ARPC1A: variants seen among roughly 807,000 people sequenced by gnomAD.
ARPC1A encodes actin related protein 2/3 complex subunit 1A.
Under a neutral mutation model 46.9 loss-of-function variants are expected in ARPC1A, and 8 were observed. That is an observed-to-expected ratio of 0.17 (90% CI 0.10 to 0.31). ARPC1A has a LOEUF of 0.31. Among genes scored for constraint, ARPC1A ranks in the 10% least tolerant of loss-of-function variants. The probability of loss-of-function intolerance (pLI) is 1.00; values close to 1 mark genes in which losing one functional copy is unlikely to be tolerated. For synonymous variants in ARPC1A, 152 were observed against 169.0 expected (o/e 0.90, Z 0.78); for missense variants, 286 against 483.6 (o/e 0.59, Z 3.83).
chr7:99,364,981 T>C (rs1443156689), intron 9 of ARPC1A, among the ~76,000 whole-genome samples: 1 of 152,010 alleles, frequency 6.6e-6, no homozygotes, highest in Non-Finnish European at 1.5e-5. Flanking sequence ...CTGAGCGGCA[T>C]CCTGAGTTGC....
At chr7:99,337,020 AT>A (rs1162927399) in intron 2 of ARPC1A, among the ~76,000 whole-genome samples, 1 of 152,132 alleles carries the variant, frequency 6.6e-6, no homozygotes, top group African/African-American at 2.4e-5. Flanking sequence ...GTAAAAAAAG[AT>A]ACATGAATAC....
At chr7:99,328,284 G>A (rs1046613326) in intron 1 of ARPC1A, among the ~76,000 whole-genome samples, 5 of 152,236 alleles carry the variant, frequency 3.3e-5, no homozygotes, top group South Asian at 2.1e-4. Context: ...CTGGAGAATC[G>A]CTTGAACCCG....
At chr7:99,348,338 C>T (rs1007497796) in intron 4 of ARPC1A, among the ~76,000 whole-genome samples, 5 of 152,228 alleles carry the variant, frequency 3.3e-5, no homozygotes, top group Admixed American at 1.3e-4. Context: ...TGAAAACCAG[C>T]TGTTGTGCTG....
At chr7:99,336,340 A>C (rs1366241064) in intron 2 of ARPC1A, among the ~76,000 whole-genome samples, 1 of 152,196 alleles carries the variant, frequency 6.6e-6, no homozygotes, top group East Asian at 1.9e-4. Context: ...TTAAGTCCTT[A>C]GGATTTTATA....
chr7:99,362,384 T>C (rs1454204487), intron 8 of ARPC1A, among the ~76,000 whole-genome samples: 5 of 127,402 alleles, frequency 3.9e-5, no homozygotes, highest in Non-Finnish European at 8.0e-5. Flanking sequence ...CAGGCTGGAG[T>C]GCAGTGGCAC....
In ARPC1A at chr7:99,359,780, C is replaced by T. The variant is rs748400702; in HGVS notation, c.983+42C>T. The T allele has an allele frequency of 5.1e-5, 81 of 1,603,362 alleles. No individual in the cohort carries two copies. In the East Asian group the frequency reaches 1.8e-3, roughly 35 times the overall value. On this transcript the variant is annotated intron_variant, in intron 8 of 9. Coordinates refer to ENST00000262942, the MANE Select transcript of ARPC1A (RefSeq NM_006409.4). Reference sequence around the variant, plus strand: ...GAGAGGTGGTCAGGTGACAAGGTGCCTTCCTGCCCCTCGCTGTTTCCTTAC... The same window carrying T: ...GAGAGGTGGTCAGGTGACAAGGTGCTTTCCTGCCCCTCGCTGTTTCCTTAC...
chr7:99,343,099 TAGAG>T (rs34378114), intron 3 of ARPC1A, among the ~76,000 whole-genome samples: 13,467 of 152,104 alleles, frequency 0.089, 874 homozygotes, highest in African/African-American at 0.19. Flanking sequence ...TATTAATTTT[TAGAG>T]AGAGATCTGT....
chr7:99,326,411 G>A (rs2150854544), intron 1 of ARPC1A, among the ~76,000 whole-genome samples: 1 of 152,324 alleles, frequency 6.6e-6, no homozygotes, highest in South Asian at 2.1e-4. Context: ...GCGCCCATAG[G>A]ATGTTTGCCT....
chr7:99,362,668 C>T (rs924409945), intron 8 of ARPC1A, among the ~76,000 whole-genome samples: 3 of 151,340 alleles, frequency 2.0e-5, no homozygotes, highest in Admixed American at 1.3e-4. Context: ...TTTATTTAAG[C>T]TCACAGGCTG....
At chr7:99,333,606 A>G (rs1234327247) in intron 2 of ARPC1A, among the ~76,000 whole-genome samples, 189 bp downstream of exon 2, 1 of 152,172 alleles carries the variant, frequency 6.6e-6, no homozygotes, top group Non-Finnish European at 1.5e-5. Flanking sequence ...GAGTGAAGGA[A>G]GGGCTTTGCA....
chr7:99,334,039 G>A lies in ARPC1A; in HGVS notation c.64+622G>A, dbSNP rs1217912696. Among the ~76,000 whole-genome samples, 3 of 107,662 alleles carry A rather than the reference G, an allele frequency of 2.8e-5. No individual in the cohort carries two copies. In the South Asian group the frequency reaches 1.2e-3, roughly 42 times the overall value. The allele number at this position is 107,662 out of a possible 152,430, so 70.6% of individuals were successfully genotyped here. A position where few individuals can be genotyped will look rare whatever the true frequency, so the allele number is the denominator to read the frequency against. ...CACACACACACACACACATATATAT[G>A]TATTTTTTTTTTTTGAGACAGAGTC... On this transcript the variant is annotated intron_variant, in intron 2 of 9. Coordinates refer to ENST00000262942, the MANE Select transcript of ARPC1A (RefSeq NM_006409.4).
chr7:99,335,445 A>G (rs1287919258), intron 2 of ARPC1A: 1 of 437,756 alleles, frequency 2.3e-6, no homozygotes, highest in East Asian at 7.9e-5. Flanking sequence ...TGTTTATCCT[A>G]ATTTCAGGAC....
chr7:99,332,080 T>G (rs116503579), intron 1 of ARPC1A, among the ~76,000 whole-genome samples: 1,680 of 152,292 alleles, frequency 0.011, 25 homozygotes, highest in African/African-American at 0.038. Context: ...GTTTATTTCC[T>G]CCTTGTGTTG....
rs570470555 is a variant in ARPC1A, at chr7:99,350,027, C to CA, written c.500+1072dup. Reference sequence around the variant, plus strand: ...CTCCATCTCAAAAAACAAACAAAAACAAAACAAAAAAATGGAAGCAGTTTG... The same window carrying CA: ...CTCCATCTCAAAAAACAAACAAAAACAAAAACAAAAAAATGGAAGCAGTTTG... On this transcript the variant is annotated intron_variant, in intron 5 of 9. Coordinates refer to ENST00000262942, the MANE Select transcript of ARPC1A (RefSeq NM_006409.4). Among the ~76,000 whole-genome samples the CA allele has an allele frequency of 9.2e-5, 14 of 151,996 alleles. No homozygotes were observed. In the South Asian group the frequency reaches 2.5e-3, roughly 27 times the overall value.
intron 3 of ARPC1A, chr7:99,340,003 T>C: frequency 4.4e-6 from 2 of 456,258 alleles, no homozygotes; most frequent in Non-Finnish European, 8.8e-6. Context: ...GTTCATCCAT[T>C]GCTTCTGTAA....
intron 1 of ARPC1A, among the ~76,000 whole-genome samples, chr7:99,326,258 C>T (rs1177185171): frequency 6.6e-6 from 1 of 152,212 alleles, no homozygotes; most frequent in African/African-American, 2.4e-5. Context: ...CCTTCTGCGC[C>T]CCCAGGGTCC....
chr7:99,365,995 A>G lies in ARPC1A; in HGVS notation c.*66A>G, dbSNP rs982182598. 6 of 1,516,348 alleles carry G rather than the reference A, an allele frequency of 4.0e-6. No homozygotes were observed. The highest frequency in any genetic ancestry group is 5.4e-6 in the Non-Finnish European group (6 of 1,116,866). 93.9% of individuals were successfully genotyped at this position (1,516,348 alleles called of 1,614,324 possible). ...CCGACCGCAGCTGTGCCGTGGCACGATGGCGAGGAAGCCAGCCCCAAGGAA... is the reference window on the plus strand; with the variant it reads ...CCGACCGCAGCTGTGCCGTGGCACGGTGGCGAGGAAGCCAGCCCCAAGGAA... On this transcript the variant is annotated 3_prime_UTR_variant, in exon 10 of 10. Coordinates refer to ENST00000262942, the MANE Select transcript of ARPC1A (RefSeq NM_006409.4).
chr7:99,333,293 T>A, intron 1 of ARPC1A, 32 bp from the exon 2 acceptor site: 1 of 1,406,042 alleles, frequency 7.1e-7, no homozygotes, highest in Non-Finnish European at 1.0e-6. Flanking sequence ...TTCCCTATTG[T>A]ATAAAATGCT....
chr7:99,334,075 A>G (rs945216739), intron 2 of ARPC1A, among the ~76,000 whole-genome samples: 1 of 150,680 alleles, frequency 6.6e-6, no homozygotes, highest in Non-Finnish European at 1.5e-5. Flanking sequence ...TCGCTTTGTC[A>G]CAAGGCTGAG....
Sources: gnomAD v4.1 joint callset for allele counts (sites outside exome capture counted in the v4.1 genomes callset) on GRCh38, gnomAD v4.1.1 for gene constraint, MANE v1.5 for transcripts, NCBI Gene and HGNC (gene_info 2026-07-23, HGNC 2026-07-21) for gene names.